Variants in CALN1 observed in about 807,000 individuals in gnomAD.
The protein encoded by CALN1 is calcium-binding protein 8.
Under a neutral mutation model 30.6 loss-of-function variants are expected in CALN1, and 17 were observed. That is an observed-to-expected ratio of 0.56 (90% CI 0.38 to 0.83). The LOEUF is 0.83. Among genes scored for constraint, CALN1 ranks in the 40% least tolerant of loss-of-function variants. The probability of loss-of-function intolerance (pLI) is 0.00; values close to 1 mark genes in which losing one functional copy is unlikely to be tolerated. For synonymous variants in CALN1, 156 were observed against 131.4 expected (o/e 1.19, Z -1.28); for missense variants, 291 against 354.9 (o/e 0.82, Z 1.45).
chr7:72,456,401 G>T, the CALN1 span, among the ~76,000 whole-genome samples: 6 of 152,054 alleles, frequency 3.9e-5, no homozygotes, highest in Non-Finnish European at 7.3e-5. Context: ...AGCCAAGAAT[G>T]GTGGTACACG....
chr7:72,300,880 C>T (rs1424483778), intron 2 of CALN1, among the ~76,000 whole-genome samples: 1 of 152,106 alleles, frequency 6.6e-6, no homozygotes, highest in Non-Finnish European at 1.5e-5. Context: ...GTAATCCCAG[C>T]TACTCTGGAG....
chr7:72,308,943 T>C (rs1252560010), intron 2 of CALN1, among the ~76,000 whole-genome samples: 1 of 152,102 alleles, frequency 6.6e-6, no homozygotes, highest in Non-Finnish European at 1.5e-5. Context: ...TAGTAAACAT[T>C]TTTAGAGGGC....
At chr7:72,479,138 C>T in the CALN1 span, among the ~76,000 whole-genome samples, 244 of 152,254 alleles carry the variant, frequency 1.6e-3, 1 homozygote, top group Non-Finnish European at 2.7e-3. Context: ...CCTCAACCTC[C>T]CAAAGTGCTG....
intron 2 of CALN1, among the ~76,000 whole-genome samples, chr7:72,313,636 ATCC>A (rs746939525): frequency 8.5e-5 from 13 of 152,176 alleles, no homozygotes; most frequent in East Asian, 5.8e-4. Flanking sequence ...GGCTCAAGCA[ATCC>A]TCCCACCTTG....
chr7:72,408,127 T>C lies in CALN1; in HGVS notation c.-74+3931A>G, dbSNP rs150030155. 4.0e-4 allele frequency among the ~76,000 whole-genome samples: 61 copies of C among 152,052 alleles called. No individual in the cohort carries two copies. In the East Asian group the frequency reaches 0.012, roughly 29 times the overall value. ...TCAATGCCAGTTCCCTTTGGTTCCA[T>C]ATTGACGTTAAAAACAAACCGTAGG... is the stretch of plus-strand genomic sequence containing the variant. On this transcript the variant is annotated intron_variant, in intron 1 of 6. Coordinates refer to ENST00000395275, the MANE Select transcript of CALN1 (RefSeq NM_031468.4).
intron 4 of CALN1, among the ~76,000 whole-genome samples, chr7:72,057,952 T>C (rs1803376088): frequency 1.3e-5 from 2 of 152,344 alleles, no homozygotes; most frequent in South Asian, 4.1e-4. Flanking sequence ...TGAATGCTGA[T>C]AATTTCCTCT....
chr7:72,278,821 G>A lies in CALN1; in HGVS notation c.120-11C>T, dbSNP rs747408718. 4 of 1,600,506 alleles carry A rather than the reference G, an allele frequency of 2.5e-6. No individual in the cohort carries two copies. The highest frequency in any genetic ancestry group is 1.1e-5 in the South Asian group (1 of 90,748). On this transcript the variant is annotated splice_polypyrimidine_tract_variant and intron_variant, in intron 2 of 6. Coordinates refer to ENST00000395275, the MANE Select transcript of CALN1 (RefSeq NM_031468.4). ...AACGGCATCTTTTCCCTGCCCAAGA[G>A]AGAACAGGGGAGGGGAAAAGAAAGA...
chr7:72,152,659 C>A (rs1309392712), intron 3 of CALN1, among the ~76,000 whole-genome samples: 1 of 152,092 alleles, frequency 6.6e-6, no homozygotes, highest in Admixed American at 6.6e-5. Flanking sequence ...TGCACATTGC[C>A]CTCCAGGAAA....
intron 3 of CALN1, among the ~76,000 whole-genome samples, chr7:72,263,800 G>A (rs2129552992): frequency 6.6e-6 from 1 of 152,258 alleles, no homozygotes; most frequent in Non-Finnish European, 1.5e-5. Context: ...CAGTCACTAT[G>A]TGCCTATCAT....
Position 72,077,097 on chromosome 7 carries a change from T to C in CALN1, c.388+29054A>G, listed in dbSNP as rs150847918. ...GGATAAATACCTAGTAGTAGTGGCA[T>C]TGGTGGGTGGTATGGTAGTTCTGAC... is the stretch of plus-strand genomic sequence containing the variant. On this transcript the variant is annotated intron_variant, in intron 4 of 6. Coordinates refer to ENST00000395275, the MANE Select transcript of CALN1 (RefSeq NM_031468.4). 9.5e-3 allele frequency among the ~76,000 whole-genome samples: 1,450 copies of C among 152,152 alleles called. 12 individuals are homozygous for C. The highest frequency in any genetic ancestry group is 0.014 in the Non-Finnish European group (956 of 68,010).
At chr7:71,892,116 G>C (rs554656324) in intron 5 of CALN1, among the ~76,000 whole-genome samples, 3 of 152,228 alleles carry the variant, frequency 2.0e-5, no homozygotes, top group Admixed American at 6.5e-5. Context: ...AATGTTTATT[G>C]AAGTGCACAG....
At chr7:72,241,863 A>T (rs963020250) in intron 3 of CALN1, among the ~76,000 whole-genome samples, 1 of 152,158 alleles carries the variant, frequency 6.6e-6, no homozygotes, top group African/African-American at 2.4e-5. Flanking sequence ...AAGTTTACGC[A>T]TTTAAAATCC....
At chr7:71,909,862 T>G (rs1488688753) in intron 5 of CALN1, among the ~76,000 whole-genome samples, 1 of 152,154 alleles carries the variant, frequency 6.6e-6, no homozygotes. Context: ...ATTAGTCAGT[T>G]CTCACATTGC....
intron 3 of CALN1, among the ~76,000 whole-genome samples, chr7:72,227,700 C>A (rs1420072116): frequency 6.6e-6 from 1 of 151,768 alleles, no homozygotes; most frequent in Non-Finnish European, 1.5e-5. Context: ...TGCAATATAC[C>A]CTTGCAACAA....
At chr7:71,885,896 G>T (rs965559762) in intron 5 of CALN1, among the ~76,000 whole-genome samples, 2 of 152,200 alleles carry the variant, frequency 1.3e-5, no homozygotes, top group African/African-American at 4.8e-5. Context: ...CTGCAAATCA[G>T]GAAGGAACCA....
At chr7:72,476,651 A>G in the CALN1 span, among the ~76,000 whole-genome samples, 76 of 152,306 alleles carry the variant, frequency 5.0e-4, no homozygotes, top group African/African-American at 1.8e-3. Flanking sequence ...CAACCCCCTC[A>G]GCCTTCAAAT....
intron 3 of CALN1, among the ~76,000 whole-genome samples, chr7:72,275,141 G>A (rs1452650179): frequency 1.3e-5 from 2 of 152,058 alleles, no homozygotes; most frequent in Non-Finnish European, 2.9e-5. Context: ...TGGGGAGCTT[G>A]ACAGCAGATA....
At chr7:72,466,719 G>A in the CALN1 span, among the ~76,000 whole-genome samples, 1 of 151,114 alleles carries the variant, frequency 6.6e-6, no homozygotes, top group Non-Finnish European at 1.5e-5. Context: ...CACCAGCCTG[G>A]GCAACAGAGT....
intron 5 of CALN1, among the ~76,000 whole-genome samples, chr7:72,017,725 ATT>A (rs1471745779): frequency 6.6e-6 from 1 of 152,142 alleles, no homozygotes; most frequent in Middle Eastern, 3.2e-3. Flanking sequence ...TGAATATTTC[ATT>A]TCTTAAAACA....
Sources: gnomAD v4.1 joint callset for allele counts (sites outside exome capture counted in the v4.1 genomes callset) on GRCh38, gnomAD v4.1.1 for gene constraint, MANE v1.5 for transcripts, NCBI Gene and HGNC (gene_info 2026-07-23, HGNC 2026-07-21) for gene names.